The following RBBP5 variants were observed in gnomAD, a reference collection of about 807,000 sequenced individuals.
RBBP5 encodes the protein retinoblastoma-binding protein 5.
A neutral mutation model predicts 72.2 loss-of-function variants in RBBP5; 5 were observed. That is an observed-to-expected ratio of 0.07 (90% CI 0.04 to 0.15). The LOEUF (loss-of-function observed/expected upper bound fraction) is 0.15. Among genes scored for constraint, RBBP5 ranks in the 10% least tolerant of loss-of-function variants. The pLI is 1.00. For missense variants in RBBP5, 322 were observed against 652.2 expected (o/e 0.49, Z 5.51); for synonymous variants, 209 against 237.2 (o/e 0.88, Z 1.09).
At chr1:205,088,914 A>G in intron 13 of RBBP5, 99 bp from the exon 14 acceptor site, 1 of 1,080,086 alleles carries the variant, frequency 9.3e-7, no homozygotes, top group African/African-American at 1.7e-5. Flanking sequence ...CATTACAAGC[A>G]CACGTGGACC....
At chr1:205,120,281 C>T (rs113531655) in intron 1 of RBBP5, among the ~76,000 whole-genome samples, 2 of 152,238 alleles carry the variant, frequency 1.3e-5, no homozygotes, top group African/African-American at 4.8e-5. Context: ...GATTGAGTTA[C>T]TAAGTCAAAA....
At chr1:205,115,564 A>G (rs1656486933) in intron 2 of RBBP5, among the ~76,000 whole-genome samples, 1 of 152,214 alleles carries the variant, frequency 6.6e-6, no homozygotes, top group South Asian at 2.1e-4. Flanking sequence ...TCAAAACGAG[A>G]AAAGCACAAA....
At chr1:205,094,801 T>A in intron 13 of RBBP5, 72 bp downstream of exon 13, 1 of 1,413,320 alleles carries the variant, frequency 7.1e-7, no homozygotes, top group Non-Finnish European at 9.5e-7. Context: ...AATGTTGCAG[T>A]TAAATGAAGT....
In RBBP5 at chr1:205,086,994, A is replaced by G. The variant is rs187148234; in HGVS notation, c.*1793T>C. Reference sequence around the variant, plus strand: ...ACAGTCTCAAAATGAATATTTAAGAAAAAAGTAGTGGCATCTAAAAATATA... The same window carrying G: ...ACAGTCTCAAAATGAATATTTAAGAGAAAAGTAGTGGCATCTAAAAATATA... On this transcript the variant is annotated 3_prime_UTR_variant, in exon 14 of 14. Coordinates refer to ENST00000264515, the MANE Select transcript of RBBP5 (RefSeq NM_005057.4). 2 of 152,368 alleles carry G rather than the reference A, an allele frequency of 1.3e-5. No individual in the cohort carries two copies. Among genetic ancestry groups the G allele is most frequent in the African/African-American group, 4.8e-5 (2 of 41,584 alleles). The allele number at this position is 152,368 out of a possible 1,614,324, so 9.4% of individuals were successfully genotyped here.
At chr1:205,090,942 A>G (rs548867821) in intron 13 of RBBP5, among the ~76,000 whole-genome samples, 1 of 152,356 alleles carries the variant, frequency 6.6e-6, no homozygotes, top group South Asian at 2.1e-4. Context: ...ATTAAAAAAA[A>G]AAAAATCACA....
chr1:205,110,070 C>T (rs1179119073), intron 3 of RBBP5, among the ~76,000 whole-genome samples: 1 of 151,804 alleles, frequency 6.6e-6, no homozygotes, highest in African/African-American at 2.4e-5. Context: ...GGGTCTCGCT[C>T]TGTCGCCCAG....
chr1:205,118,648 A>G (rs2102338018), intron 1 of RBBP5, among the ~76,000 whole-genome samples: 2 of 151,712 alleles, frequency 1.3e-5, no homozygotes, highest in Middle Eastern at 6.8e-3. Context: ...AAAAGAAAAG[A>G]AAAGAAACTA....
At chr1:205,120,992 A>G (rs1451531480) in intron 1 of RBBP5, among the ~76,000 whole-genome samples, 1 of 152,212 alleles carries the variant, frequency 6.6e-6, no homozygotes, top group Non-Finnish European at 1.5e-5. Context: ...TGCTTAATGA[A>G]AAGCTCTTTA....
intron 10 of RBBP5, 113 bp downstream of exon 10, chr1:205,098,876 A>T: frequency 1.4e-4 from 60 of 416,656 alleles, no homozygotes; most frequent in Non-Finnish European, 2.1e-4. Context: ...TGTGGGGTGG[A>T]GGGGGGCATT....
At position 205,103,980 on chromosome 1, in the gene RBBP5, G is replaced by A. The variant is rs751595813; in HGVS notation, c.399C>T (p.Val133=). The part of the protein sequence containing the change: ...VLVCPMKSAP[V]MLTLSDSKHV... ...GTTTGGAATCTGAAAGGGTCAACAT[G>A]ACAGGAGCAGATTTCATGGGACACA... The change falls in exon 5 of 14, where the codon GTC becomes GTT. Residue 133 remains valine (V), a synonymous_variant. Transcript: ENST00000264515. 6.2e-7 allele frequency: 1 copy of A among 1,614,054 alleles called. No individual in the cohort carries two copies. The highest frequency in any genetic ancestry group is 8.5e-7 in the Non-Finnish European group (1 of 1,179,944).
intron 3 of RBBP5, among the ~76,000 whole-genome samples, chr1:205,105,513 C>T (rs1404770702): frequency 6.6e-6 from 1 of 152,148 alleles, no homozygotes; most frequent in East Asian, 1.9e-4. Context: ...TCAGAAGTAG[C>T]ACCATCATGG....
chr1:205,100,067 A>G lies in RBBP5; in HGVS notation c.753-3T>C. ...AACAACATTTCTTCCATGGGGTCCT[A>G]AAGGACAAGGAAAGTACCAAGGAGA... On this transcript the variant is annotated splice_polypyrimidine_tract_variant and splice_region_variant and intron_variant, in intron 7 of 13. Transcript: ENST00000264515. 4.3e-6 allele frequency: 7 copies of G among 1,613,912 alleles called. No individual in the cohort carries two copies. The South Asian group carries it at 7.7e-5, about 18-fold the overall frequency.
intron 3 of RBBP5, among the ~76,000 whole-genome samples, chr1:205,108,604 A>G (rs1325359928): frequency 6.6e-6 from 1 of 152,222 alleles, no homozygotes; most frequent in East Asian, 1.9e-4. Flanking sequence ...AACAAAAACA[A>G]AAAACAAATG....
intron 12 of RBBP5, among the ~76,000 whole-genome samples, chr1:205,095,660 T>C (rs1254178695): frequency 6.6e-6 from 1 of 152,080 alleles, no homozygotes; most frequent in African/African-American, 2.4e-5. Flanking sequence ...CTAGAGAGAC[T>C]AGAATGAGAA....
chr1:205,092,587 C>A (rs1655393504), intron 13 of RBBP5, among the ~76,000 whole-genome samples: 1 of 151,846 alleles, frequency 6.6e-6, no homozygotes, highest in Non-Finnish European at 1.5e-5. Context: ...ACCAGGTGGA[C>A]CACAGATGTG....
chr1:205,119,188 T>C (rs1393627337), intron 1 of RBBP5, among the ~76,000 whole-genome samples: 4 of 152,050 alleles, frequency 2.6e-5, no homozygotes, highest in Admixed American at 1.3e-4. Context: ...AGGTCAGGAG[T>C]TCCTGACCAG....
At chr1:205,093,533 TACACAC>T (rs372536310) in intron 13 of RBBP5, among the ~76,000 whole-genome samples, 57 of 4,868 alleles carry the variant, frequency 0.012, 1 homozygote, top group Middle Eastern at 0.17. Context: ...TATATATATA[TACACAC>T]ACACACACAC....
intron 1 of RBBP5, 96 bp downstream of exon 1, chr1:205,121,759 G>T: frequency 6.4e-7 from 1 of 1,572,878 alleles, no homozygotes; most frequent in Non-Finnish European, 8.7e-7. Context: ...TAGCCGAACA[G>T]TGTCCCTAAG....
chr1:205,110,430 T>C (rs1456890830), intron 3 of RBBP5, among the ~76,000 whole-genome samples: 2 of 152,140 alleles, frequency 1.3e-5, no homozygotes, highest in Non-Finnish European at 2.9e-5. Flanking sequence ...CTTCCCTTGG[T>C]AAAATTTGTT....
Sources: allele counts gnomAD v4.1 joint callset (sites outside exome capture counted in the v4.1 genomes callset), GRCh38; gene constraint gnomAD v4.1.1; transcripts MANE v1.5; gene names NCBI Gene and HGNC (gene_info 2026-07-23, HGNC 2026-07-21).